Variants in ITGA3 observed in about 807,000 individuals in gnomAD.
ITGA3 encodes integrin subunit alpha 3, also known as integrin alpha-3.
In ITGA3, 70 loss-of-function variants were observed where a neutral mutation model predicts 131.1. The ratio of observed to expected loss-of-function variants is 0.53; its 90% confidence interval spans 0.44 to 0.65. The LOEUF (loss-of-function observed/expected upper bound fraction) is 0.65, where lower values mean the gene tolerates loss of function less well. Among genes scored for constraint, ITGA3 ranks in the 30% least tolerant of loss-of-function variants. The pLI is 0.00. For missense variants in ITGA3, 1,098 were observed against 1,388.6 expected (o/e 0.79, Z 3.33); for synonymous variants, 537 against 571.6 (o/e 0.94, Z 0.86).
At chr17:50,082,293 C>G (rs564306936) in intron 23 of ITGA3, among the ~76,000 whole-genome samples, 1 of 152,310 alleles carries the variant, frequency 6.6e-6, no homozygotes, top group African/African-American at 2.4e-5. Flanking sequence ...ATTCTCCTGC[C>G]TTGGCCTCCC....
In ITGA3 at chr17:50,082,917, A is replaced by G. The variant is rs1169006382; in HGVS notation, c.2919+1509A>G. On this transcript the variant is annotated intron_variant, in intron 23 of 25. Transcript: ENST00000320031. The stretch of plus-strand genomic sequence containing the variant: ...AGGAAACTTGAAAAAGAAGTTCCCA[A>G]TCTTGAATCTGAGTTGCATCTAGAA... Among the ~76,000 whole-genome samples the G allele has an allele frequency of 2.0e-5, 3 of 152,342 alleles. No homozygotes were observed. The East Asian group carries it at 5.8e-4, about 29-fold the overall frequency.
rs770299309 is a variant in ITGA3 at position 50,073,911 on chromosome 17, T to A, written c.1157-5T>A. The A allele has an allele frequency of 1.2e-6, 2 of 1,613,274 alleles. No individual in the cohort carries two copies. ...GGTGACCCTGTCTTGCCTTTTCTTC[T>A]GCAGATATTGCTGTGGGAGCTCCGT... On this transcript the variant is annotated splice_region_variant and splice_polypyrimidine_tract_variant and intron_variant, in intron 7 of 25. Coordinates refer to ENST00000320031, the MANE Select transcript of ITGA3 (RefSeq NM_002204.4).
intron 23 of ITGA3, chr17:50,087,539 C>G (rs1909508426): frequency 1.9e-6 from 1 of 532,274 alleles, no homozygotes; most frequent in Non-Finnish European, 3.3e-6. Context: ...GGCCGCTCCT[C>G]TGGAGTCAAG....
chr17:50,077,533 C>A, intron 16 of ITGA3, 86 bp downstream of exon 16: 1 of 1,083,360 alleles, frequency 9.2e-7, no homozygotes, highest in Admixed American at 1.8e-5. Context: ...CTCTGCCTGC[C>A]TGCTTTCTGG....
rs1909644102 is a variant in ITGA3 at position 50,090,051 on chromosome 17, G to T, written c.*973G>T. ...ACCAATTCTGGACAGACAGATGTTGGGAGGATACAGAGGAGATGCCACTTC... is the reference window on the plus strand; with the variant it reads ...ACCAATTCTGGACAGACAGATGTTGTGAGGATACAGAGGAGATGCCACTTC... On this transcript the variant is annotated 3_prime_UTR_variant, in exon 26 of 26. Transcript: ENST00000320031. 2 of 304,370 alleles carry T rather than the reference G, an allele frequency of 6.6e-6. No individual in the cohort carries two copies. Among genetic ancestry groups the T allele is most frequent in the Middle Eastern group, 2.4e-3 (2 of 824 alleles). 18.9% of individuals were successfully genotyped at this position (304,370 alleles called of 1,614,324 possible). A position where few individuals can be genotyped will look rare whatever the true frequency, so the allele number is the denominator to read the frequency against.
chr17:50,080,237 G>A (rs56200533), intron 21 of ITGA3, 25 bp from the exon 22 acceptor site: 67 of 1,379,368 alleles, frequency 4.9e-5, no homozygotes, highest in East Asian at 7.0e-5. Flanking sequence ...ACTATGTCAC[G>A]TCTTGCGTTC....
intron 1 of ITGA3, among the ~76,000 whole-genome samples, chr17:50,058,621 G>A (rs1325304467): frequency 6.6e-6 from 1 of 152,226 alleles, no homozygotes; most frequent in Non-Finnish European, 1.5e-5. Context: ...ATGAACCTCT[G>A]AGGGGCAGTT....
At chr17:50,085,975 T>C in intron 23 of ITGA3, among the ~76,000 whole-genome samples, 1 of 139,494 alleles carries the variant, frequency 7.2e-6, no homozygotes, top group Non-Finnish European at 1.5e-5. Flanking sequence ...ATACATATTA[T>C]AGATTTATAA....
In ITGA3 at chr17:50,073,902, CT is replaced by C. The variant is rs1283897202; in HGVS notation, c.1157-10del. The C allele has an allele frequency of 1.2e-6, 2 of 1,611,540 alleles. No homozygotes were observed. Among genetic ancestry groups the C allele is most frequent in the Admixed American group, 3.3e-5 (2 of 60,026 alleles). On this transcript the variant is annotated splice_polypyrimidine_tract_variant and intron_variant, in intron 7 of 25. Transcript: ENST00000320031. ...GAGTACCTGGGTGACCCTGTCTTGC[CT>C]TTTCTTCTGCAGATATTGCTGTGGG...
In ITGA3 at chr17:50,089,815, G is replaced by C. The variant is rs1362948312; in HGVS notation, c.*737G>C. The C allele has an allele frequency of 5.9e-6, 1 of 168,532 alleles. No homozygotes were observed. Among genetic ancestry groups the C allele is most frequent in the Non-Finnish European group, 1.3e-5 (1 of 77,002 alleles). The allele number at this position is 168,532 out of a possible 1,614,324, so 10.4% of individuals were successfully genotyped here. The stretch of plus-strand genomic sequence containing the variant: ...CTAAGGTTGTCTACGGGGGCACTTG[G>C]AGGACCTGGCGTGCTCAGACCCAAC... On this transcript the variant is annotated 3_prime_UTR_variant, in exon 26 of 26. Transcript: ENST00000320031.
At chr17:50,076,776 C>A in intron 14 of ITGA3, 95 bp downstream of exon 14, 1 of 1,276,214 alleles carries the variant, frequency 7.8e-7, no homozygotes, top group Non-Finnish European at 1.1e-6. Flanking sequence ...GCAAGGCGAG[C>A]CCAGGGACAG....
intron 1 of ITGA3, among the ~76,000 whole-genome samples, chr17:50,060,354 C>G (rs943219767): frequency 6.6e-6 from 1 of 152,242 alleles, no homozygotes; most frequent in South Asian, 2.1e-4. Context: ...AGCATTACCC[C>G]ACCCCAGTGC....
intron 5 of ITGA3, 151 bp from the exon 6 acceptor site, chr17:50,071,160 T>C: frequency 1.3e-6 from 1 of 754,350 alleles, no homozygotes; most frequent in African/African-American, 1.7e-5. Context: ...CCATGGCTGC[T>C]GGCCATCTGG....
chr17:50,066,348 T>G (rs1221274826), intron 3 of ITGA3, among the ~76,000 whole-genome samples: 1 of 147,864 alleles, frequency 6.8e-6, no homozygotes, highest in Non-Finnish European at 1.5e-5. Flanking sequence ...AGAGATGAGG[T>G]CTGGCTCTGT....
intron 10 of ITGA3, among the ~76,000 whole-genome samples, chr17:50,074,915 A>C (rs771890843): frequency 3.4e-4 from 51 of 152,178 alleles, no homozygotes; most frequent in Non-Finnish European, 6.2e-4. Flanking sequence ...TGTAGAACAG[A>C]ATTGATAATA....
chr17:50,085,820 ATG>A (rs1909367500), intron 23 of ITGA3, among the ~76,000 whole-genome samples: 1 of 130,776 alleles, frequency 7.6e-6, no homozygotes, highest in Admixed American at 7.9e-5. Context: ...TAGATTTATA[ATG>A]TATATTAGAT....
rs567819828 is a variant in ITGA3 at position 50,074,882 on chromosome 17, C to G, written c.1469+348C>G. ...GTCTCCTCAGGTGAATTATTAATCC[C>G]TCTTAGGCTCAGATTTCTTGCTTGT... On this transcript the variant is annotated intron_variant, in intron 10 of 25. Coordinates refer to ENST00000320031, the MANE Select transcript of ITGA3 (RefSeq NM_002204.4). 2.0e-5 allele frequency among the ~76,000 whole-genome samples: 3 copies of G among 152,246 alleles called. No homozygotes were observed. In the East Asian group the frequency reaches 5.8e-4, roughly 29 times the overall value.
chr17:50,077,266 C>A, intron 15 of ITGA3, 113 bp from the exon 16 acceptor site: 1 of 1,314,210 alleles, frequency 7.6e-7, no homozygotes, highest in Non-Finnish European at 1.1e-6. Flanking sequence ...AGCGTCTCTG[C>A]TGCTTGGAGA....
At chr17:50,073,429 C>T (rs929525123) in intron 7 of ITGA3, among the ~76,000 whole-genome samples, 3 of 152,064 alleles carry the variant, frequency 2.0e-5, no homozygotes, top group East Asian at 1.9e-4. Context: ...ACAGCACTCT[C>T]GTGAAAATTA....
Sources: gnomAD v4.1 joint callset for allele counts (sites outside exome capture counted in the v4.1 genomes callset) on GRCh38, gnomAD v4.1.1 for gene constraint, MANE v1.5 for transcripts, NCBI Gene and HGNC (gene_info 2026-07-23, HGNC 2026-07-21) for gene names.